TSHZ1: variants seen among roughly 807,000 people sequenced by gnomAD.
The protein encoded by TSHZ1 is teashirt homolog 1.
A neutral mutation model predicts 67.1 loss-of-function variants in TSHZ1; 12 were observed. That is an observed-to-expected ratio of 0.18 (90% CI 0.11 to 0.29). The LOEUF (loss-of-function observed/expected upper bound fraction) is 0.29, where lower values mean the gene tolerates loss of function less well. Ranked by LOEUF, TSHZ1 falls within the 10% of genes least tolerant of loss-of-function variation. The pLI, the probability that TSHZ1 is intolerant of heterozygous loss-of-function variation, is 1.00. For missense variants in TSHZ1, 1,305 were observed against 1,413.9 expected (o/e 0.92, Z 1.23); for synonymous variants, 632 against 622.4 (o/e 1.02, Z -0.23).
rs552572536 is a variant in TSHZ1 at position 75,218,826 on chromosome 18, C to T, written c.40+6910C>T. On this transcript the variant is annotated intron_variant, in intron 1 of 1. Coordinates refer to ENST00000580243, the MANE Select transcript of TSHZ1 (RefSeq NM_001308210.2). ...TATTGGAACTTTCTTAGGGATGAGG[C>T]GGAGCCTCCCAGACCCTACCTGACC... is the stretch of plus-strand genomic sequence containing the variant. Among the ~76,000 whole-genome samples, 5 of 152,362 alleles carry T rather than the reference C, an allele frequency of 3.3e-5. No homozygotes were observed. The South Asian group carries it at 6.2e-4, about 19-fold the overall frequency.
At chr18:75,230,772 T>A (rs779096237) in intron 1 of TSHZ1, among the ~76,000 whole-genome samples, 2 of 152,158 alleles carry the variant, frequency 1.3e-5, no homozygotes, top group Admixed American at 6.5e-5. Context: ...TGCGAACCCT[T>A]CCTGGCTATT....
chr18:75,235,601 A>G (rs946021542), intron 1 of TSHZ1, among the ~76,000 whole-genome samples: 2 of 152,172 alleles, frequency 1.3e-5, no homozygotes, highest in African/African-American at 4.8e-5. Context: ...AGCAGCTAAG[A>G]AGGTCCTTAA....
At chr18:75,271,161 A>G (rs534099108) in intron 1 of TSHZ1, among the ~76,000 whole-genome samples, 86 of 152,332 alleles carry the variant, frequency 5.6e-4, no homozygotes, top group African/African-American at 1.7e-3. Flanking sequence ...GCGTGGACTC[A>G]GGGACCTCAC....
chr18:75,284,276 T>A (rs1403609858), intron 1 of TSHZ1: 3 of 152,656 alleles, frequency 2.0e-5, no homozygotes, highest in Non-Finnish European at 4.4e-5. Flanking sequence ...ACAACTTCCA[T>A]ATCCTGGAGG....
At chr18:75,271,287 A>G (rs2023553533) in intron 1 of TSHZ1, among the ~76,000 whole-genome samples, 1 of 152,204 alleles carries the variant, frequency 6.6e-6, no homozygotes, top group Non-Finnish European at 1.5e-5. Context: ...CACCTCGTTA[A>G]GTGGGCATCC....
intron 1 of TSHZ1, among the ~76,000 whole-genome samples, chr18:75,217,686 A>C (rs781763685): frequency 6.6e-6 from 1 of 152,202 alleles, no homozygotes; most frequent in African/African-American, 2.4e-5. Flanking sequence ...TTTATGTTTC[A>C]TGCAAAATAT....
At chr18:75,266,584 T>C (rs1343885346) in intron 1 of TSHZ1, among the ~76,000 whole-genome samples, 1 of 152,238 alleles carries the variant, frequency 6.6e-6, no homozygotes, top group Non-Finnish European at 1.5e-5. Flanking sequence ...CACAGTCTTA[T>C]ATTCTCTTGA....
chr18:75,221,640 G>A (rs182938871), intron 1 of TSHZ1, among the ~76,000 whole-genome samples: 1 of 152,308 alleles, frequency 6.6e-6, no homozygotes, highest in Non-Finnish European at 1.5e-5. Context: ...TTTATTTCAA[G>A]TACAGAATGT....
intron 1 of TSHZ1, among the ~76,000 whole-genome samples, chr18:75,279,444 C>T (rs1209617572): frequency 2.6e-5 from 4 of 152,158 alleles, no homozygotes; most frequent in African/African-American, 4.8e-5. Context: ...CAGCTAAGGC[C>T]TAGCATGGTG....
chr18:75,249,421 T>G (rs987853889), intron 1 of TSHZ1, among the ~76,000 whole-genome samples: 3 of 80,280 alleles, frequency 3.7e-5, no homozygotes, highest in Non-Finnish European at 4.9e-5. Flanking sequence ...GGCGGGTGGG[T>G]GGGGGGAACA....
chr18:75,287,488 G>T lies in TSHZ1; in HGVS notation c.2081G>T (p.Gly694Val). Residue 694 changes from glycine to valine, a missense_variant, in exon 2 of 2, where the codon GGC (glycine) becomes GTC (valine). This residue lies in a region of TSHZ1 where 909 missense variants were observed against 961.8 expected (regional missense o/e 0.95). Coordinates refer to ENST00000580243, the MANE Select transcript of TSHZ1 (RefSeq NM_001308210.2). This position sits in a 1 kb window ranked among gnomAD's most constrained non-coding sequence, Gnocchi z 5.0. ...EEVSGKPQKK[G>V]PEAETGKAKK... ...GTCAGCGGCAAACCACAGAAGAAGG[G>T]CCCTGAGGCCGAGACTGGGAAGGCC... 1 of 1,614,202 alleles carries T rather than the reference G, an allele frequency of 6.2e-7. No individual in the cohort carries two copies. The highest frequency in any genetic ancestry group is 8.5e-7 in the Non-Finnish European group (1 of 1,180,038).
At chr18:75,250,260 C>G (rs1009933400) in intron 1 of TSHZ1, among the ~76,000 whole-genome samples, 1 of 152,174 alleles carries the variant, frequency 6.6e-6, no homozygotes, top group Non-Finnish European at 1.5e-5. Flanking sequence ...CCAGGCTCTT[C>G]CCTGTCCCCA....
At chr18:75,250,895 G>A (rs2023294711) in intron 1 of TSHZ1, among the ~76,000 whole-genome samples, 1 of 152,182 alleles carries the variant, frequency 6.6e-6, no homozygotes, top group Non-Finnish European at 1.5e-5. Context: ...AGGGTGGTCT[G>A]AAGACCCCCG....
chr18:75,213,470 A>AT lies in TSHZ1; in HGVS notation c.40+1563dup, dbSNP rs200099425. Among the ~76,000 whole-genome samples, 357 of 151,782 alleles carry AT rather than the reference A, an allele frequency of 2.4e-3. 1 individual carries two copies. The highest frequency in any genetic ancestry group is 7.7e-3 in the African/African-American group (319 of 41,376). On this transcript the variant is annotated intron_variant, in intron 1 of 1. Transcript: ENST00000580243. ...TCTTTACATTTTCACAGTTAGAGGG[A>AT]TTTTTTTTTAAATGACAGAATGTAC...
At chr18:75,278,663 C>T (rs2023644946) in intron 1 of TSHZ1, among the ~76,000 whole-genome samples, 1 of 151,984 alleles carries the variant, frequency 6.6e-6, no homozygotes, top group Non-Finnish European at 1.5e-5. Flanking sequence ...TGGAGCCTGG[C>T]CTGCTGCTGC....
At chr18:75,255,618 T>C (rs1455501075) in intron 1 of TSHZ1, among the ~76,000 whole-genome samples, 1 of 152,188 alleles carries the variant, frequency 6.6e-6, no homozygotes, top group Non-Finnish European at 1.5e-5. Flanking sequence ...GTGATTTTCT[T>C]GATTGCTAAA....
chr18:75,210,875 T>A lies in TSHZ1; in HGVS notation c.-1002T>A, dbSNP rs2022667134. The stretch of plus-strand genomic sequence containing the variant: ...AAAGAGGAGAGAGCGAGAGTGCATC[T>A]CCCTCTCTCCCAGGAGTTTGAGGGG... On this transcript the variant is annotated 5_prime_UTR_variant, in exon 1 of 2. Transcript: ENST00000580243. The A allele has an allele frequency of 1.7e-5, 2 of 118,370 alleles. No homozygotes were observed. Among genetic ancestry groups the A allele is most frequent in the Non-Finnish European group, 3.4e-5 (2 of 59,428 alleles). 7.3% of individuals were successfully genotyped at this position (118,370 alleles called of 1,614,324 possible).
chr18:75,266,411 C>T (rs2023491251), intron 1 of TSHZ1, among the ~76,000 whole-genome samples: 3 of 152,114 alleles, frequency 2.0e-5, no homozygotes, highest in Admixed American at 2.0e-4. Flanking sequence ...GTGCAGATAA[C>T]ATAGGTCCCC....
intron 1 of TSHZ1, among the ~76,000 whole-genome samples, chr18:75,242,514 A>G (rs1186464177): frequency 1.3e-5 from 2 of 152,234 alleles, no homozygotes; most frequent in African/African-American, 4.8e-5. Flanking sequence ...AAATAGGTGG[A>G]CCATTTGTCA....
Sources: allele counts gnomAD v4.1 joint callset (sites outside exome capture counted in the v4.1 genomes callset), GRCh38; gene constraint gnomAD v4.1.1; regional missense constraint gnomAD v4.1.1; non-coding constraint Gnocchi (gnomAD v3.1); transcripts MANE v1.5; gene names NCBI Gene and HGNC (gene_info 2026-07-23, HGNC 2026-07-21).